Variants in GALNT1 observed in about 807,000 individuals in gnomAD.
The protein encoded by GALNT1 is GalNAc transferase 1.
GALNT1 carries 17 observed loss-of-function variants against 65.7 expected under a neutral mutation model. That is an observed-to-expected ratio of 0.26 (90% CI 0.18 to 0.39). The LOEUF is 0.39. Ranked by LOEUF, GALNT1 falls within the 10% of genes least tolerant of loss-of-function variation. The pLI is 1.00. For missense variants in GALNT1, 460 were observed against 672.8 expected (o/e 0.68, Z 3.50); for synonymous variants, 210 against 219.7 (o/e 0.96, Z 0.39).
chr18:35,706,627 C>T (rs569059839), intron 11 of GALNT1, among the ~76,000 whole-genome samples: 2 of 152,220 alleles, frequency 1.3e-5, no homozygotes, highest in South Asian at 4.1e-4. Context: ...TGATTTCTCC[C>T]AGAAGCAGAC....
At chr18:35,682,251 G>A (rs529625906) in intron 4 of GALNT1, among the ~76,000 whole-genome samples, 1 of 151,438 alleles carries the variant, frequency 6.6e-6, no homozygotes, top group South Asian at 2.1e-4. Context: ...CTCTTTTACA[G>A]CTTTTTATAT....
At chr18:35,617,159 AC>A (rs1473065203) in intron 1 of GALNT1, among the ~76,000 whole-genome samples, 1 of 151,966 alleles carries the variant, frequency 6.6e-6, no homozygotes, top group Non-Finnish European at 1.5e-5. Context: ...CTCTCACACC[AC>A]CAAGAATCAT....
intron 1 of GALNT1, among the ~76,000 whole-genome samples, chr18:35,611,690 T>G (rs185114537): frequency 1.6e-4 from 24 of 152,114 alleles, no homozygotes; most frequent in Admixed American, 1.4e-3. Context: ...GTCTTGAGAG[T>G]GGAGGGAATG....
intron 1 of GALNT1, among the ~76,000 whole-genome samples, chr18:35,629,117 A>G (rs1452967889): frequency 6.6e-6 from 1 of 152,208 alleles, no homozygotes; most frequent in Non-Finnish European, 1.5e-5. Flanking sequence ...TGATGGGGAG[A>G]ATGGAACCAA....
At chr18:35,585,691 T>G (rs2046370877) in intron 1 of GALNT1, among the ~76,000 whole-genome samples, 1 of 152,252 alleles carries the variant, frequency 6.6e-6, no homozygotes, top group African/African-American at 2.4e-5. Flanking sequence ...TCTGTAATTT[T>G]GCCATTTTAA....
chr18:35,670,094 A>C (rs115152617), intron 3 of GALNT1, among the ~76,000 whole-genome samples: 1 of 152,134 alleles, frequency 6.6e-6, no homozygotes, highest in Non-Finnish European at 1.5e-5. Context: ...ATTCAAGACC[A>C]GCCTGAGCAA....
At chr18:35,586,387 T>G (rs2143831564) in intron 1 of GALNT1, among the ~76,000 whole-genome samples, 1 of 152,336 alleles carries the variant, frequency 6.6e-6, no homozygotes, top group African/African-American at 2.4e-5. Context: ...GCTTGTCTTT[T>G]CATCCCCTTA....
At chr18:35,651,615 A>G (rs2047312157) in intron 1 of GALNT1, among the ~76,000 whole-genome samples, 1 of 152,088 alleles carries the variant, frequency 6.6e-6, no homozygotes, top group Admixed American at 6.6e-5. Context: ...TTGTTCTTTG[A>G]CTGAGCTTTG....
At chr18:35,666,067 G>C (rs765464669) in intron 3 of GALNT1, among the ~76,000 whole-genome samples, 6 of 152,128 alleles carry the variant, frequency 3.9e-5, no homozygotes, top group Non-Finnish European at 7.4e-5. Flanking sequence ...AGATACCATT[G>C]AAGTTACACC....
chr18:35,615,072 G>A (rs1016603947), intron 1 of GALNT1, among the ~76,000 whole-genome samples: 1 of 151,978 alleles, frequency 6.6e-6, no homozygotes, highest in African/African-American at 2.4e-5. Flanking sequence ...ACACCCAGCA[G>A]GGTATGGTTT....
chr18:35,709,778 T>A lies in GALNT1; in HGVS notation c.*8T>A, dbSNP rs553445565. 3.7e-6 allele frequency: 6 copies of A among 1,613,528 alleles called. 1 individual carries two copies. The South Asian group carries it at 5.5e-5, about 15-fold the overall frequency. ...CTGCCAGAAATATTCTGAGACCAAA[T>A]TTACAAAAAAACGAAAAAAATAAGG... is the stretch of plus-strand genomic sequence containing the variant. On this transcript the variant is annotated 3_prime_UTR_variant, in exon 12 of 12. Coordinates refer to ENST00000269195, the MANE Select transcript of GALNT1 (RefSeq NM_020474.4).
chr18:35,657,874 C>G (rs1156377973), intron 2 of GALNT1, among the ~76,000 whole-genome samples: 2 of 152,026 alleles, frequency 1.3e-5, no homozygotes, highest in Non-Finnish European at 1.5e-5. Context: ...GAAATGGAGC[C>G]GAAGTTGGTT....
intron 1 of GALNT1, among the ~76,000 whole-genome samples, chr18:35,628,095 C>T (rs529876349): frequency 3.9e-5 from 6 of 152,294 alleles, no homozygotes; most frequent in South Asian, 2.1e-4. Flanking sequence ...TGGAACCCAC[C>T]GCAGCTCAAG....
intron 1 of GALNT1, among the ~76,000 whole-genome samples, chr18:35,629,578 G>C (rs1458215973): frequency 6.6e-6 from 1 of 152,126 alleles, no homozygotes. Flanking sequence ...ACTAAACATG[G>C]AAAGGAAGAA....
chr18:35,586,781 CT>C (rs946379060), intron 1 of GALNT1, among the ~76,000 whole-genome samples: 18 of 152,280 alleles, frequency 1.2e-4, no homozygotes, highest in African/African-American at 2.4e-4. Context: ...TCCTCCTACA[CT>C]TTTTTTCCCC....
Position 35,638,207 on chromosome 18 carries a change from G to A in GALNT1, c.-103-16353G>A, listed in dbSNP as rs2047117130. Among the ~76,000 whole-genome samples the A allele has an allele frequency of 2.0e-5, 3 of 152,230 alleles. No homozygotes were observed. The East Asian group carries it at 5.8e-4, about 29-fold the overall frequency. On this transcript the variant is annotated intron_variant, in intron 1 of 11. Coordinates refer to ENST00000269195, the MANE Select transcript of GALNT1 (RefSeq NM_020474.4). Reference sequence around the variant, plus strand: ...CTTATTTAAGAAATACATTTCATAAGGCCATAGTTGCTGGGTCTGACCCAC... The same window carrying A: ...CTTATTTAAGAAATACATTTCATAAAGCCATAGTTGCTGGGTCTGACCCAC...
At chr18:35,666,875 G>A (rs1487928976) in intron 3 of GALNT1, among the ~76,000 whole-genome samples, 5 of 152,092 alleles carry the variant, frequency 3.3e-5, no homozygotes, top group East Asian at 1.9e-4. Flanking sequence ...AGGAGGTAGC[G>A]CAGAGTCACT....
chr18:35,601,735 C>T (rs1185884134), intron 1 of GALNT1, among the ~76,000 whole-genome samples: 1 of 152,132 alleles, frequency 6.6e-6, no homozygotes, highest in Admixed American at 6.5e-5. Flanking sequence ...GGAGAATGTT[C>T]CATGTGCCGA....
intron 1 of GALNT1, among the ~76,000 whole-genome samples, chr18:35,652,981 A>T (rs2047330298): frequency 1.3e-5 from 2 of 152,216 alleles, no homozygotes; most frequent in Admixed American, 1.3e-4. Context: ...AGCTTTTCAT[A>T]TGAAATAACA....
Sources: allele counts gnomAD v4.1 joint callset (sites outside exome capture counted in the v4.1 genomes callset), GRCh38; gene constraint gnomAD v4.1.1; transcripts MANE v1.5; gene names NCBI Gene and HGNC (gene_info 2026-07-23, HGNC 2026-07-21).